Variants in JAM3 observed in about 807,000 individuals in gnomAD.
JAM3 encodes the protein junctional adhesion molecule C.
Under a neutral mutation model 39.4 loss-of-function variants are expected in JAM3, and 31 were observed. That is an observed-to-expected ratio of 0.79 (90% CI 0.59 to 1.06). The LOEUF (loss-of-function observed/expected upper bound fraction) is 1.06, where lower values mean the gene tolerates loss of function less well. Among genes scored for constraint, JAM3 ranks in the 50% least tolerant of loss-of-function variants. The pLI is 0.00. For missense variants in JAM3, 455 were observed against 391.4 expected, an observed-to-expected ratio of 1.16 and a Z score of -1.37; for synonymous variants, 182 against 148.7, an observed-to-expected ratio of 1.22 and a Z score of -1.63.
At chr11:134,095,721 C>T (rs943227519) in intron 1 of JAM3, among the ~76,000 whole-genome samples, 6 of 152,062 alleles carry the variant, frequency 3.9e-5, no homozygotes, top group Non-Finnish European at 8.8e-5. Flanking sequence ...TACGGAAGTA[C>T]TCAGTTACGA....
chr11:134,147,526 A>G (rs12270157), intron 6 of JAM3, among the ~76,000 whole-genome samples: 36,965 of 145,808 alleles, frequency 0.25, 4,684 homozygotes, highest in African/African-American at 0.29. Context: ...TCGCTCTGTC[A>G]CCCAGGCTGG....
At chr11:134,072,563 G>T (rs528444510) in intron 1 of JAM3, among the ~76,000 whole-genome samples, 2 of 152,162 alleles carry the variant, frequency 1.3e-5, no homozygotes, top group African/African-American at 2.4e-5. Context: ...GCCCGCCTTG[G>T]CCTACCAAAG....
At chr11:134,102,467 C>T (rs1284218409) in intron 1 of JAM3, among the ~76,000 whole-genome samples, 2 of 152,192 alleles carry the variant, frequency 1.3e-5, no homozygotes, top group Non-Finnish European at 2.9e-5. Context: ...TTCTCCCCCT[C>T]CAAAGGACCG....
At chr11:134,074,157 G>GA (rs1941527075) in intron 1 of JAM3, among the ~76,000 whole-genome samples, 1 of 152,164 alleles carries the variant, frequency 6.6e-6, no homozygotes, top group South Asian at 2.1e-4. Flanking sequence ...ATGCTTAGGG[G>GA]AAAAAACAGG....
At chr11:134,117,439 C>A (rs1418210736) in intron 1 of JAM3, among the ~76,000 whole-genome samples, 1 of 152,068 alleles carries the variant, frequency 6.6e-6, no homozygotes, top group African/African-American at 2.4e-5. Context: ...GATGTCTTCC[C>A]TTATTAGAGA....
At chr11:134,094,538 C>T (rs184459826) in intron 1 of JAM3, among the ~76,000 whole-genome samples, 4 of 150,702 alleles carry the variant, frequency 2.7e-5, no homozygotes, top group Non-Finnish European at 3.0e-5. Context: ...CCTTACATGT[C>T]ACTTCCTGAG....
At chr11:134,139,759 G>T (rs1240233318) in intron 1 of JAM3, 92 bp from the exon 2 acceptor site, 2 of 940,654 alleles carry the variant, frequency 2.1e-6, no homozygotes, top group African/African-American at 1.6e-5. Context: ...AGTAACCATA[G>T]CCTACGCAGA....
intron 1 of JAM3, among the ~76,000 whole-genome samples, chr11:134,123,637 A>C (rs1397036040): frequency 5.9e-5 from 9 of 152,172 alleles, no homozygotes; most frequent in African/African-American, 1.9e-4. Context: ...TTTCTTAAAC[A>C]TTTTATTCAT....
At chr11:134,143,482 C>T (rs1290371717) in intron 3 of JAM3, among the ~76,000 whole-genome samples, 1 of 152,212 alleles carries the variant, frequency 6.6e-6, no homozygotes, top group Non-Finnish European at 1.5e-5. Flanking sequence ...AATCCTCCCA[C>T]CTCAGCCTTC....
Position 134,075,600 on chromosome 11 carries a change from A to AT in JAM3, c.76+6448dup, listed in dbSNP as rs1448467981. 3.3e-5 allele frequency among the ~76,000 whole-genome samples: 5 copies of AT among 152,028 alleles called. No individual in the cohort carries two copies. The East Asian group carries it at 5.8e-4, about 18-fold the overall frequency. ...GCCTCACCTGGGTAATTTTTTGAACATTTTTTTGTAGAAACAAGGTCTTAC... is the reference window on the plus strand; with the variant it reads ...GCCTCACCTGGGTAATTTTTTGAACATTTTTTTTGTAGAAACAAGGTCTTAC... On this transcript the variant is annotated intron_variant, in intron 1 of 8. Transcript: ENST00000299106.
chr11:134,120,222 G>T (rs1238850222), intron 1 of JAM3, among the ~76,000 whole-genome samples: 1 of 152,252 alleles, frequency 6.6e-6, no homozygotes, highest in Non-Finnish European at 1.5e-5. Context: ...TAGAAAGCCT[G>T]CGCTGCCGTT....
chr11:134,143,149 T>G (rs901888170), intron 3 of JAM3, among the ~76,000 whole-genome samples: 2 of 152,202 alleles, frequency 1.3e-5, no homozygotes, highest in African/African-American at 4.8e-5. Flanking sequence ...AGTTGCATGT[T>G]TAGTTGTTTA....
At chr11:134,142,423 C>T (rs1290764600) in intron 3 of JAM3, among the ~76,000 whole-genome samples, 1 of 152,180 alleles carries the variant, frequency 6.6e-6, no homozygotes, top group African/African-American at 2.4e-5. Flanking sequence ...GTCTGTGCTC[C>T]ATCGGAAGCA....
intron 1 of JAM3, among the ~76,000 whole-genome samples, chr11:134,100,676 G>C (rs544248299): frequency 2.0e-5 from 3 of 152,134 alleles, no homozygotes; most frequent in African/African-American, 7.2e-5. Context: ...GTCAGGTCCT[G>C]TACTCAGCAC....
chr11:134,125,109 C>G (rs1181032391), intron 1 of JAM3, among the ~76,000 whole-genome samples: 12 of 152,312 alleles, frequency 7.9e-5, no homozygotes, highest in African/African-American at 2.6e-4. Flanking sequence ...CCGAGGTGCA[C>G]GGCCGCCGCC....
At chr11:134,125,037 C>T (rs1404895358) in intron 1 of JAM3, among the ~76,000 whole-genome samples, 2 of 152,206 alleles carry the variant, frequency 1.3e-5, no homozygotes, top group South Asian at 2.1e-4. Context: ...GGCGGCGGCG[C>T]GTCTCCACGA....
chr11:134,073,682 C>T (rs1274652952), intron 1 of JAM3, among the ~76,000 whole-genome samples: 1 of 152,126 alleles, frequency 6.6e-6, no homozygotes, highest in South Asian at 2.1e-4. Context: ...GTAATTGACT[C>T]CGATTTACAT....
chr11:134,148,187 T>C, intron 6 of JAM3: 1 of 276,432 alleles, frequency 3.6e-6, no homozygotes, highest in Non-Finnish European at 6.9e-6. Flanking sequence ...ATTCTTTTCT[T>C]CTTGGGATCC....
At chr11:134,092,607 C>T (rs1373962547) in intron 1 of JAM3, among the ~76,000 whole-genome samples, 3 of 147,744 alleles carry the variant, frequency 2.0e-5, no homozygotes, top group Non-Finnish European at 3.0e-5. Flanking sequence ...CTGAACCCTC[C>T]TTATTCATCA....
Sources: allele counts gnomAD v4.1 joint callset (sites outside exome capture counted in the v4.1 genomes callset), GRCh38; gene constraint gnomAD v4.1.1; transcripts MANE v1.5; gene names NCBI Gene and HGNC (gene_info 2026-07-23, HGNC 2026-07-21).